NCOR2: variants seen among roughly 807,000 people sequenced by gnomAD.
NCOR2 encodes nuclear receptor corepressor 2.
NCOR2 carries 81 observed loss-of-function variants against 262.9 expected under a neutral mutation model. The observed-to-expected ratio is 0.31, with a 90% confidence interval of 0.26 to 0.37. NCOR2 has a LOEUF of 0.37. Ranked by LOEUF, NCOR2 falls within the 10% of genes least tolerant of loss-of-function variation. NCOR2 has a pLI of 1.00. For missense variants in NCOR2, 3,385 were observed against 3,621.4 expected, an observed-to-expected ratio of 0.93 and a Z score of 1.68; for synonymous variants, 1,659 against 1,559.3, an observed-to-expected ratio of 1.06 and a Z score of -1.51.
At chr12:124,388,720 TC>T in intron 16 of NCOR2, 1 of 1,304,344 alleles carries the variant, frequency 7.7e-7, no homozygotes, top group Non-Finnish European at 1.0e-6. Context: ...GGCCAAGTTT[TC>T]CGGAAACATA....
intron 1 of NCOR2, among the ~76,000 whole-genome samples, chr12:124,508,534 C>T (rs892167874): frequency 7.2e-5 from 11 of 152,300 alleles, no homozygotes; most frequent in Non-Finnish European, 5.9e-5. Flanking sequence ...GGCACCACGC[C>T]GAGGGGAGGG....
At chr12:124,334,569 C>G in exon 41 of NCOR2, 1 of 1,413,060 alleles carries the variant, frequency 7.1e-7, no homozygotes, top group Non-Finnish European at 9.2e-7. Flanking sequence ...GGCAGGGGTG[C>G]GCTGAGCTGC....
At chr12:124,330,564 G>A (rs1023070516) in intron 44 of NCOR2, among the ~76,000 whole-genome samples, 1 of 152,248 alleles carries the variant, frequency 6.6e-6, no homozygotes, top group Non-Finnish European at 1.5e-5. Context: ...GAAGCAAGGT[G>A]AGTTTCCAGC....
At chr12:124,355,503 T>C (rs1290185761) in exon 24 of NCOR2, 2 of 1,609,064 alleles carry the variant, frequency 1.2e-6, no homozygotes, top group Non-Finnish European at 8.5e-7. Flanking sequence ...GGAGGCGGGT[T>C]GGAGATGGTG....
At position 124,340,824 on chromosome 12, in the gene NCOR2, C is replaced by T. The variant is rs369938252; in HGVS notation, c.5189-73G>A. 48 of 1,374,136 alleles carry T rather than the reference C, an allele frequency of 3.5e-5. 3 individuals are homozygous for T. The African/African-American group carries it at 3.7e-4, about 11-fold the overall frequency. 85.1% of individuals were successfully genotyped at this position (1,374,136 alleles called of 1,614,324 possible). A position where few individuals can be genotyped will look rare whatever the true frequency, so the allele number is the denominator to read the frequency against. On this transcript the variant is annotated intron_variant, in intron 34 of 46. Coordinates refer to ENST00000405201, the Ensembl canonical transcript of NCOR2. ...CCAGGCTGCCCACCGGCCAGATCAC[C>T]CTCCTGGAGAGCACGGCACACACTC...
chr12:124,333,876 GCGGGTGTGCA>G (rs1456759383), intron 41 of NCOR2, among the ~76,000 whole-genome samples: 26 of 115,304 alleles, frequency 2.3e-4, no homozygotes, highest in South Asian at 6.1e-4. Context: ...GCGCATGTGT[GCGGGTGTGCA>G]TGTGTGTGTG....
At chr12:124,379,574 C>T (rs571781526) in intron 17 of NCOR2, among the ~76,000 whole-genome samples, 75 of 152,092 alleles carry the variant, frequency 4.9e-4, no homozygotes, top group African/African-American at 1.7e-3. Flanking sequence ...CCTGGTGTGA[C>T]GGGGGGGCGG....
At chr12:124,476,301 C>T (rs1212065133) in intron 3 of NCOR2, among the ~76,000 whole-genome samples, 1 of 152,222 alleles carries the variant, frequency 6.6e-6, no homozygotes, top group African/African-American at 2.4e-5. Flanking sequence ...CTGGTCTCTC[C>T]CTACAGCCCA....
rs201646624 is a variant in NCOR2, at chr12:124,372,202, T to C, written c.2627A>G (p.Lys876Arg). ...CTCAGCGGCCTCCGCGTCCTTGCCC[T>C]TGGCCGGCCCCTCCTCGGCTTCCTC... Residue 876 changes from lysine to arginine, a missense_variant, in exon 20 of 47, where the codon AAG becomes AGG. Lys to Arg is a conservative substitution (Grantham distance 26). This residue lies in a region of NCOR2 where 1,615 missense variants were observed against 1,626.9 expected (regional missense o/e 0.99). Transcript: ENST00000405201. The C allele has an allele frequency of 3.3e-5, 53 of 1,601,772 alleles. No individual in the cohort carries two copies. The African/African-American group carries it at 6.3e-4, about 19-fold the overall frequency.
chr12:124,476,858 G>C (rs987168683), intron 3 of NCOR2, among the ~76,000 whole-genome samples: 3 of 150,948 alleles, frequency 2.0e-5, no homozygotes, highest in Admixed American at 1.3e-4. Flanking sequence ...TTGAGCCCAG[G>C]AGTTCAAGAC....
chr12:124,520,496 C>T (rs2050122087), intron 1 of NCOR2, among the ~76,000 whole-genome samples: 1 of 152,158 alleles, frequency 6.6e-6, no homozygotes, highest in Admixed American at 6.5e-5. Flanking sequence ...ACGGTAACTC[C>T]TCCCACCCCC....
At chr12:124,526,623 C>T (rs1476070753) in intron 1 of NCOR2, among the ~76,000 whole-genome samples, 1 of 152,164 alleles carries the variant, frequency 6.6e-6, no homozygotes, top group Non-Finnish European at 1.5e-5. Flanking sequence ...GAGGAGAAAC[C>T]ACGAGGTGGG....
At chr12:124,499,070 T>G (rs1110904), upstream of NCOR2, among the ~76,000 whole-genome samples, 3 of 152,176 alleles carry the variant, frequency 2.0e-5, no homozygotes, top group Non-Finnish European at 4.4e-5. Flanking sequence ...GAGGCGGGTG[T>G]GCAGCACTGC....
chr12:124,335,607 G>A (rs773536997), exon 39 of NCOR2: 24 of 1,605,298 alleles, frequency 1.5e-5, no homozygotes, highest in Admixed American at 5.0e-5. Context: ...CCACCCCTTC[G>A]GGGCTGTAGC....
intron 17 of NCOR2, among the ~76,000 whole-genome samples, chr12:124,379,396 G>A (rs1245532126): frequency 1.3e-5 from 2 of 152,222 alleles, no homozygotes; most frequent in African/African-American, 4.8e-5. Context: ...GCCAGGCAGA[G>A]GCTCAGAAAG....
At chr12:124,479,667 T>G (rs372959862) in intron 3 of NCOR2, among the ~76,000 whole-genome samples, 181 of 152,366 alleles carry the variant, frequency 1.2e-3, no homozygotes, top group African/African-American at 4.3e-3. Context: ...CCCAGGAGGC[T>G]GAGCTAAAAT....
chr12:124,400,759 A>G, intron 14 of NCOR2, 86 bp from the exon 17 acceptor site: 8 of 1,511,744 alleles, frequency 5.3e-6, no homozygotes, highest in African/African-American at 1.4e-5. Flanking sequence ...CTTTAGCTGG[A>G]TTTGCACTGG....
chr12:124,523,423 G>A lies in NCOR2; in HGVS notation c.-118+12142C>T, dbSNP rs547282099. On this transcript the variant is annotated intron_variant, in intron 1 of 46. Coordinates refer to the NCOR2 transcript ENST00000404621. The surrounding 1 kb of genome is among the most constrained non-coding windows in gnomAD (Gnocchi z 4.0). ...AGAGGAGTGCCCAGGAATGCTCCAC[G>A]CCAGCCAGCTGGATCCCAGGGACCT... 2.0e-5 allele frequency among the ~76,000 whole-genome samples: 3 copies of A among 152,136 alleles called. No individual in the cohort carries two copies. Among genetic ancestry groups the A allele is most frequent in the Non-Finnish European group, 2.9e-5 (2 of 68,026 alleles).
intron 44 of NCOR2, among the ~76,000 whole-genome samples, 195 bp downstream of exon 46, chr12:124,330,650 C>A (rs995683258): frequency 1.3e-5 from 2 of 152,336 alleles, no homozygotes; most frequent in Non-Finnish European, 1.5e-5. Flanking sequence ...CAGCGAGGAT[C>A]CTGTCTACAC....
Sources: allele counts gnomAD v4.1 joint callset (sites outside exome capture counted in the v4.1 genomes callset), GRCh38; gene constraint gnomAD v4.1.1; regional missense constraint gnomAD v4.1.1; non-coding constraint Gnocchi (gnomAD v3.1); transcripts MANE v1.5; gene names NCBI Gene and HGNC (gene_info 2026-07-23, HGNC 2026-07-21).